ADGRB3: variants seen among roughly 807,000 people sequenced by gnomAD.
ADGRB3 encodes brain-specific angiogenesis inhibitor 3.
ADGRB3 carries 37 observed loss-of-function variants against 193.4 expected under a neutral mutation model. The ratio of observed to expected loss-of-function variants is 0.19; its 90% CI spans 0.15 to 0.25. The LOEUF (loss-of-function observed/expected upper bound fraction) is 0.25. ADGRB3 is among the 10% of genes least tolerant of loss of function. ADGRB3 has a pLI of 1.00. For missense variants in ADGRB3, 1,637 were observed against 1,852.9 expected (o/e 0.88, Z 2.14); for synonymous variants, 690 against 644.2 (o/e 1.07, Z -1.08).
chr6:69,040,307 C>CCCTTTCTTTCTT (rs1554251201), intron 13 of ADGRB3, among the ~76,000 whole-genome samples: 1 of 94,806 alleles, frequency 1.1e-5, no homozygotes, highest in South Asian at 3.9e-4. Flanking sequence ...CTTTCTCTGT[C>CCCTTTCTTTCTT]TCTTTCTTTC....
At chr6:69,148,837 G>A (rs1393543270) in intron 17 of ADGRB3, among the ~76,000 whole-genome samples, 3 of 151,944 alleles carry the variant, frequency 2.0e-5, no homozygotes, top group Middle Eastern at 3.2e-3. Flanking sequence ...TGTTTCCTTC[G>A]GCACCTTAAA....
intron 20 of ADGRB3, among the ~76,000 whole-genome samples, chr6:69,317,380 C>G (rs1194791074): frequency 4.6e-5 from 7 of 151,358 alleles, no homozygotes; most frequent in African/African-American, 7.3e-5. Flanking sequence ...TACACCTATC[C>G]ACTAGTGAGA....
chr6:69,346,834 C>A (rs1256159418), intron 26 of ADGRB3, among the ~76,000 whole-genome samples: 1 of 152,120 alleles, frequency 6.6e-6, no homozygotes, highest in East Asian at 1.9e-4. Flanking sequence ...ACCATTTGAC[C>A]CAGCAATCCC....
intron 20 of ADGRB3, among the ~76,000 whole-genome samples, chr6:69,312,722 A>T (rs1768220954): frequency 6.6e-6 from 1 of 151,710 alleles, no homozygotes. Context: ...TCAAAAGTTC[A>T]TCCTAAATAT....
chr6:68,862,851 G>C (rs1765194518), intron 3 of ADGRB3, among the ~76,000 whole-genome samples: 1 of 151,920 alleles, frequency 6.6e-6, no homozygotes, highest in African/African-American at 2.4e-5. Flanking sequence ...TTTTAATAAT[G>C]GTTTCTTAAA....
At position 68,639,267 on chromosome 6, in the gene ADGRB3, T is replaced by G. The variant is rs1561979485; in HGVS notation, c.592T>G (p.Cys198Gly). The change falls in exon 3 of 32, where the codon TGC (cysteine) becomes GGC (glycine). Residue 198 changes from cysteine to glycine, a missense_variant. By Grantham distance (159) the Cys-to-Gly change is radical (BLOSUM62 -3). Transcript: ENST00000370598. ...SCGIMYTKCT[C>G]PQHLGEWGID... ...TGGGATCATGTATACAAAATGCACCTGCCCTCAGCATTTGGGAGAGTGGGG... is the reference window on the plus strand; with the variant it reads ...TGGGATCATGTATACAAAATGCACCGGCCCTCAGCATTTGGGAGAGTGGGG... The G allele has an allele frequency of 6.2e-7, 1 of 1,614,142 alleles. No individual in the cohort carries two copies. The highest frequency in any genetic ancestry group is 8.5e-7 in the Non-Finnish European group (1 of 1,180,038).
chr6:68,894,354 G>T (rs1397988255), intron 3 of ADGRB3, among the ~76,000 whole-genome samples: 1 of 151,918 alleles, frequency 6.6e-6, no homozygotes, highest in East Asian at 1.9e-4. Flanking sequence ...GTAAAGTTCT[G>T]CTGGTTTAAT....
chr6:68,699,816 T>TG (rs1765212924), intron 3 of ADGRB3, among the ~76,000 whole-genome samples: 1 of 149,404 alleles, frequency 6.7e-6, no homozygotes, highest in South Asian at 2.1e-4. Context: ...AAGCAGTAGG[T>TG]GGGGGGCATG....
intron 3 of ADGRB3, among the ~76,000 whole-genome samples, chr6:68,864,483 C>A (rs1015263183): frequency 6.6e-6 from 1 of 151,080 alleles, no homozygotes; most frequent in East Asian, 2.0e-4. Context: ...CTGCTCCTCT[C>A]TAAAACCTGT....
chr6:68,775,772 T>C (rs1035597322), intron 3 of ADGRB3, among the ~76,000 whole-genome samples: 13 of 152,122 alleles, frequency 8.5e-5, no homozygotes, highest in African/African-American at 2.9e-4. Context: ...CATGAGAAAT[T>C]TCCCCTCTTC....
At chr6:68,941,635 TATAGGAGGAGAAA>T (rs1265180436) in intron 5 of ADGRB3, among the ~76,000 whole-genome samples, 1 of 151,906 alleles carries the variant, frequency 6.6e-6, no homozygotes, top group South Asian at 2.1e-4. Flanking sequence ...TAACTTTTTA[TATAGGAGGAGAAA>T]ATAGGAGGAG....
At chr6:69,233,142 A>G in intron 17 of ADGRB3, 148 bp from the exon 18 acceptor site, 1 of 1,152,774 alleles carries the variant, frequency 8.7e-7, no homozygotes, top group Non-Finnish European at 1.2e-6. Flanking sequence ...CATCTAAATT[A>G]CATCCTGTTC....
intron 16 of ADGRB3, among the ~76,000 whole-genome samples, chr6:69,065,906 A>G (rs1029768852): frequency 6.6e-6 from 1 of 152,038 alleles, no homozygotes; most frequent in Non-Finnish European, 1.5e-5. Flanking sequence ...TAACAATAAA[A>G]ATACAAATGT....
At chr6:69,193,398 A>T (rs76293876) in intron 17 of ADGRB3, among the ~76,000 whole-genome samples, 3,294 of 152,236 alleles carry the variant, frequency 0.022, 121 homozygotes, top group African/African-American at 0.071. Context: ...GATGACAAAT[A>T]ATTTTATTCA....
In ADGRB3 at chr6:68,675,696, G is replaced by A. The variant is rs72897169; in HGVS notation, c.757+36264G>A. ...ATCCACTGCAAGAGGAGTTTTCATC[G>A]CCAGGGCACCAGCTTCTCCAGTTAC... is the stretch of plus-strand genomic sequence containing the variant. On this transcript the variant is annotated intron_variant, in intron 3 of 31. Coordinates refer to ENST00000370598, the MANE Select transcript of ADGRB3 (RefSeq NM_001704.3). Among the ~76,000 whole-genome samples, 838 of 152,198 alleles carry A rather than the reference G, an allele frequency of 5.5e-3. 6 individuals carry two copies. The highest frequency in any genetic ancestry group is 8.9e-3 in the Non-Finnish European group (608 of 68,012).
intron 3 of ADGRB3, among the ~76,000 whole-genome samples, chr6:68,918,904 A>C (rs1294688832): frequency 1.3e-5 from 2 of 152,088 alleles, no homozygotes; most frequent in Non-Finnish European, 2.9e-5. Flanking sequence ...GCAGCGTAGT[A>C]TTTATTTCTA....
chr6:68,867,811 G>T (rs188135728), intron 3 of ADGRB3, among the ~76,000 whole-genome samples: 1 of 152,138 alleles, frequency 6.6e-6, no homozygotes, highest in South Asian at 2.1e-4. Flanking sequence ...GTCCTGCTGG[G>T]TTTCAGACTT....
chr6:68,832,332 C>G (rs1173528783), intron 3 of ADGRB3, among the ~76,000 whole-genome samples: 1 of 152,032 alleles, frequency 6.6e-6, no homozygotes, highest in African/African-American at 2.4e-5. Context: ...AAAAGTATGT[C>G]ATAGTCTTAG....
chr6:69,331,791 T>C, intron 23 of ADGRB3: 1 of 985,162 alleles, frequency 1.0e-6, no homozygotes, highest in Non-Finnish European at 1.2e-6. Flanking sequence ...TTTGGAGGGG[T>C]GACAAATTCC....
Sources: allele counts gnomAD v4.1 joint callset (sites outside exome capture counted in the v4.1 genomes callset), GRCh38; gene constraint gnomAD v4.1.1; transcripts MANE v1.5; gene names NCBI Gene and HGNC (gene_info 2026-07-23, HGNC 2026-07-21).